DHX9: variants seen among roughly 807,000 people sequenced by gnomAD.
DHX9 encodes ATP-dependent RNA helicase A.
DHX9 carries 27 observed loss-of-function variants against 148.7 expected under a neutral mutation model. The observed-to-expected ratio is 0.18, with a 90% CI of 0.13 to 0.25. DHX9 has a LOEUF of 0.25. Among genes scored for constraint, DHX9 ranks in the 10% least tolerant of loss-of-function variants. The pLI is 1.00. For missense variants in DHX9, 796 were observed against 1,559.6 expected, an observed-to-expected ratio of 0.51 and a Z score of 8.25; for synonymous variants, 529 against 516.6, an observed-to-expected ratio of 1.02 and a Z score of -0.33.
chr1:182,878,236 G>A (rs1026007590), intron 20 of DHX9, 63 bp downstream of exon 20: 1 of 1,556,258 alleles, frequency 6.4e-7, no homozygotes, highest in Non-Finnish European at 8.7e-7. Flanking sequence ...GGACAGATGT[G>A]TGCAGTTATG....
chr1:182,883,039 G>A, intron 24 of DHX9, 100 bp from the exon 25 acceptor site: 7 of 790,594 alleles, frequency 8.9e-6, no homozygotes, highest in Non-Finnish European at 2.1e-6. Flanking sequence ...TGAAAAGAGT[G>A]AGGAAGAGTC....
intron 3 of DHX9, 37 bp downstream of exon 3, chr1:182,843,471 G>T: frequency 6.6e-7 from 1 of 1,510,086 alleles, no homozygotes. Flanking sequence ...GATGTATGTT[G>T]TAAAGTTGTA....
intron 16 of DHX9, chr1:182,875,175 G>T (rs761209309): frequency 1.9e-5 from 11 of 566,548 alleles, no homozygotes; most frequent in Non-Finnish European, 3.4e-5. Flanking sequence ...CTGGCGTAAA[G>T]ATCAAAGGAA....
intron 3 of DHX9, among the ~76,000 whole-genome samples, chr1:182,844,264 T>C (rs778453947): frequency 1.3e-4 from 20 of 152,268 alleles, no homozygotes; most frequent in Non-Finnish European, 2.6e-4. Context: ...CATGTCCTTA[T>C]ATAACAAAAT....
At position 182,868,587 on chromosome 1, in the gene DHX9, T is replaced by C. The variant is rs180926774; in HGVS notation, c.1557+1544T>C. Among the ~76,000 whole-genome samples the C allele has an allele frequency of 4.9e-3, 730 of 147,830 alleles. 7 individuals carry two copies. The highest frequency in any genetic ancestry group is 0.018 in the African/African-American group (692 of 38,338). On this transcript the variant is annotated intron_variant, in intron 14 of 27. Transcript: ENST00000367549. ...TAGAGTGCAATGGCGCGATCTCGGC[T>C]CACTGCAACTTCTGCCTCCCGGGTT...
chr1:182,880,862 G>C (rs1649053311), intron 22 of DHX9, among the ~76,000 whole-genome samples: 1 of 152,192 alleles, frequency 6.6e-6, no homozygotes, highest in East Asian at 1.9e-4. Flanking sequence ...GCCAGGCAAT[G>C]TGGCTCACAC....
At chr1:182,855,586 A>G in intron 6 of DHX9, 1 of 985,344 alleles carries the variant, frequency 1.0e-6, no homozygotes, top group Non-Finnish European at 1.2e-6. Flanking sequence ...GGTGGAGGAG[A>G]ATGAGATTGA....
At chr1:182,847,571 A>G (rs1316841956) in intron 3 of DHX9, among the ~76,000 whole-genome samples, 3 of 152,128 alleles carry the variant, frequency 2.0e-5, no homozygotes, top group Non-Finnish European at 4.4e-5. Context: ...TTAGCCAGAG[A>G]TTTCAATATA....
chr1:182,864,496 A>G (rs755580562), intron 12 of DHX9, among the ~76,000 whole-genome samples: 14 of 152,242 alleles, frequency 9.2e-5, no homozygotes, highest in Non-Finnish European at 1.3e-4. Context: ...GAGGGTATGC[A>G]TATTTTAACT....
intron 22 of DHX9, 52 bp from the exon 23 acceptor site, chr1:182,881,212 T>C: frequency 6.4e-7 from 1 of 1,566,422 alleles, no homozygotes; most frequent in Non-Finnish European, 8.7e-7. Context: ...CCTGAGCTGC[T>C]GGCAACAACA....
intron 3 of DHX9, among the ~76,000 whole-genome samples, chr1:182,844,052 G>A (rs1448118932): frequency 6.6e-6 from 1 of 152,108 alleles, no homozygotes; most frequent in Non-Finnish European, 1.5e-5. Context: ...GGGTTCAAGC[G>A]ATTCTCCTGC....
chr1:182,844,798 G>A (rs530181885), intron 3 of DHX9, among the ~76,000 whole-genome samples: 1 of 151,846 alleles, frequency 6.6e-6, no homozygotes, highest in South Asian at 2.1e-4. Flanking sequence ...ATTACAGGTG[G>A]GAGCTACGGC....
At chr1:182,884,591 T>A (rs1282472350) in intron 26 of DHX9, 22 bp from the exon 27 acceptor site, 6 of 1,609,478 alleles carry the variant, frequency 3.7e-6, no homozygotes, top group Non-Finnish European at 5.1e-6. Flanking sequence ...TCTCTTATTT[T>A]TAATGTATTT....
chr1:182,850,540 A>T (rs886518005), intron 3 of DHX9, among the ~76,000 whole-genome samples: 16 of 150,934 alleles, frequency 1.1e-4, no homozygotes, highest in Admixed American at 6.0e-4. Context: ...GGCTGCAGTG[A>T]TCTGTCATTG....
At chr1:182,877,204 A>C (rs1220903626) in intron 19 of DHX9, among the ~76,000 whole-genome samples, 1 of 152,132 alleles carries the variant, frequency 6.6e-6, no homozygotes, top group African/African-American at 2.4e-5. Context: ...GATCACTGCC[A>C]TACTATAGCA....
intron 27 of DHX9, among the ~76,000 whole-genome samples, chr1:182,885,061 A>C (rs144091568): frequency 6.6e-6 from 1 of 152,360 alleles, no homozygotes; most frequent in African/African-American, 2.4e-5. Flanking sequence ...AGGAACTTAC[A>C]AATGCACATA....
At chr1:182,853,704 A>G (rs895161484) in intron 5 of DHX9, among the ~76,000 whole-genome samples, 10 of 152,068 alleles carry the variant, frequency 6.6e-5, no homozygotes, top group African/African-American at 2.4e-4. Flanking sequence ...ACCTTATTTT[A>G]TGAGCACTTA....
At chr1:182,846,630 T>TG (rs1668035077) in intron 3 of DHX9, among the ~76,000 whole-genome samples, 2 of 152,236 alleles carry the variant, frequency 1.3e-5, no homozygotes, top group African/African-American at 4.8e-5. Flanking sequence ...CCATATGTAA[T>TG]GTGGTAGTCT....
chr1:182,840,951 A>G (rs577659643), intron 1 of DHX9, among the ~76,000 whole-genome samples: 26 of 152,264 alleles, frequency 1.7e-4, no homozygotes, highest in Middle Eastern at 3.4e-3. Context: ...TTAGCATGCA[A>G]ATGGGTGAGT....
Sources: allele counts gnomAD v4.1 joint callset (sites outside exome capture counted in the v4.1 genomes callset), GRCh38; gene constraint gnomAD v4.1.1; transcripts MANE v1.5; gene names NCBI Gene and HGNC (gene_info 2026-07-23, HGNC 2026-07-21).